The following KCNAB2 variants were observed in gnomAD, a reference collection of about 807,000 sequenced individuals.
KCNAB2 encodes voltage-gated potassium channel subunit beta-2.
KCNAB2 carries 29 observed loss-of-function variants against 63.6 expected under a neutral mutation model. The observed-to-expected ratio is 0.46, with a 90% CI of 0.34 to 0.62. The LOEUF is 0.62. Ranked by LOEUF, KCNAB2 falls within the 20% of genes least tolerant of loss-of-function variation. The probability of loss-of-function intolerance (pLI) is 0.01; values close to 1 mark genes in which losing one functional copy is unlikely to be tolerated. For synonymous variants in KCNAB2, 222 were observed against 224.2 expected, an observed-to-expected ratio of 0.99 and a Z score of 0.09; for missense variants, 359 against 563.9, an observed-to-expected ratio of 0.64 and a Z score of 3.68.
At chr1:6,051,260 C>T (rs1470609911) in intron 1 of KCNAB2, among the ~76,000 whole-genome samples, 1 of 152,270 alleles carries the variant, frequency 6.6e-6, no homozygotes, top group Non-Finnish European at 1.5e-5. Flanking sequence ...CTGTGCTTGT[C>T]TCACAGATGC....
At chr1:6,054,056 A>AAAAG (rs1553124509) in intron 2 of KCNAB2, among the ~76,000 whole-genome samples, 4 of 151,402 alleles carry the variant, frequency 2.6e-5, no homozygotes, top group Non-Finnish European at 5.9e-5. Flanking sequence ...AAAAAAAAAA[A>AAAAG]AAGAAGAAGA....
upstream of KCNAB2, among the ~76,000 whole-genome samples, chr1:6,042,846 C>CT (rs1403101996): frequency 1.1e-5 from 1 of 92,940 alleles, no homozygotes; most frequent in Non-Finnish European, 2.2e-5. Context: ...ACTCCCCACC[C>CT]CCCCCCCCGT....
upstream of KCNAB2, chr1:6,045,854 C>A: frequency 1.0e-6 from 1 of 976,782 alleles, no homozygotes; most frequent in South Asian, 4.7e-5. The surrounding 1 kb of genome is among the most constrained non-coding windows in gnomAD (Gnocchi z 4.8). Context: ...ACCTCCCCCT[C>A]ACCTTGGGCT....
At chr1:6,042,847 C>CCG (rs1345438994), upstream of KCNAB2, among the ~76,000 whole-genome samples, 5 of 104,530 alleles carry the variant, frequency 4.8e-5, 1 homozygote, top group African/African-American at 1.9e-4. Context: ...CTCCCCACCC[C>CCG]CCCCCCCGTT....
chr1:6,052,387 C>T (rs1227844164), intron 2 of KCNAB2, among the ~76,000 whole-genome samples: 1 of 151,744 alleles, frequency 6.6e-6, no homozygotes, highest in Non-Finnish European at 1.5e-5. Flanking sequence ...GATCGCACCA[C>T]TGCACTCCAG....
intron 1 of KCNAB2, among the ~76,000 whole-genome samples, chr1:6,011,959 G>T (rs1226535626): frequency 3.3e-5 from 5 of 152,194 alleles, no homozygotes; most frequent in African/African-American, 1.2e-4. Context: ...AGCTGGCCTA[G>T]GATGGTGGAG....
Position 6,086,274 on chromosome 1 carries a change from C to T in KCNAB2, c.425+1026C>T. ...CCTCCCCCATGGATTCCTGACACCC[C>T]TTCCTCTTGTCCCATCAAATTTGTT... On this transcript the variant is annotated intron_variant, in intron 6 of 15. Coordinates refer to ENST00000378083, the MANE Select transcript of KCNAB2 (RefSeq NM_001199862.2). This position sits in a 1 kb window ranked among gnomAD's most constrained non-coding sequence, Gnocchi z 4.2. 1 of 985,110 alleles carries T rather than the reference C, an allele frequency of 1.0e-6. No homozygotes were observed. Among genetic ancestry groups the T allele is most frequent in the Non-Finnish European group, 1.2e-6 (1 of 829,690 alleles). 61.0% of individuals were successfully genotyped at this position (985,110 alleles called of 1,614,324 possible).
chr1:6,000,592 C>T lies in KCNAB2; in HGVS notation c.-53+7804C>T, dbSNP rs562659322. On this transcript the variant is annotated intron_variant, in intron 1 of 16. Transcript: ENST00000341524. ...CTCCTGTGAGGAGTGAACCCCACCC[C>T]CCGCCGCTCTGCTGGTGTGAGTGAC... 3.3e-5 allele frequency among the ~76,000 whole-genome samples: 5 copies of T among 152,132 alleles called. No homozygotes were observed. In the South Asian group the frequency reaches 1.0e-3, roughly 32 times the overall value.
At position 6,035,523 on chromosome 1, in the gene KCNAB2, G is replaced by A. The variant is rs1659964960; in HGVS notation, c.-53+729G>A. Among the ~76,000 whole-genome samples the A allele has an allele frequency of 6.6e-6, 1 of 152,042 alleles. No individual in the cohort carries two copies. Among genetic ancestry groups the A allele is most frequent in the Non-Finnish European group, 1.5e-5 (1 of 67,994 alleles). On this transcript the variant is annotated intron_variant, in intron 1 of 15. Transcript: ENST00000164247. This position sits in a 1 kb window ranked among gnomAD's most constrained non-coding sequence, Gnocchi z 5.0. Reference sequence around the variant, plus strand: ...CCTGGCCCAGGGATGGATTGGATGTGGGAGGCGGGACGTGGGAGGAAGGGA... The same window carrying A: ...CCTGGCCCAGGGATGGATTGGATGTAGGAGGCGGGACGTGGGAGGAAGGGA...
intron 1 of KCNAB2, among the ~76,000 whole-genome samples, chr1:6,022,101 T>C (rs1012739601): frequency 1.4e-4 from 21 of 151,950 alleles, no homozygotes; most frequent in African/African-American, 4.6e-4. Flanking sequence ...TCAGTGGTAT[T>C]AGGTGTATAG....
At chr1:6,026,885 G>A (rs1483199130) in intron 1 of KCNAB2, among the ~76,000 whole-genome samples, 1 of 152,196 alleles carries the variant, frequency 6.6e-6, no homozygotes, top group African/African-American at 2.4e-5. Context: ...TGTCTCTCGG[G>A]AGGCCCTGGC....
chr1:6,007,013 G>T (rs969896057), intron 1 of KCNAB2, among the ~76,000 whole-genome samples: 8 of 152,176 alleles, frequency 5.3e-5, no homozygotes, highest in Non-Finnish European at 1.0e-4. Flanking sequence ...CCAGCAGCGG[G>T]CCCTGGCTGG....
chr1:6,079,318 G>C (rs574217484), intron 4 of KCNAB2, among the ~76,000 whole-genome samples: 26 of 152,220 alleles, frequency 1.7e-4, no homozygotes, highest in Non-Finnish European at 3.5e-4. Context: ...TCAGGAGTTC[G>C]AGACCAGCCT....
intron 1 of KCNAB2, among the ~76,000 whole-genome samples, chr1:6,026,616 G>A (rs1209277120): frequency 6.6e-6 from 1 of 152,232 alleles, no homozygotes; most frequent in East Asian, 1.9e-4. Flanking sequence ...CCTCAGCCTG[G>A]GGTGAGCTGA....
At chr1:6,010,547 A>G (rs1270703897) in intron 1 of KCNAB2, among the ~76,000 whole-genome samples, 1 of 152,258 alleles carries the variant, frequency 6.6e-6, no homozygotes, top group African/African-American at 2.4e-5. Flanking sequence ...ACAGCCCTGG[A>G]TGAGCCACAG....
At position 6,086,343 on chromosome 1, in the gene KCNAB2, A is replaced by C; in HGVS notation, c.425+1095A>C. 1.0e-6 allele frequency: 1 copy of C among 984,750 alleles called. No individual in the cohort carries two copies. Among genetic ancestry groups the C allele is most frequent in the Non-Finnish European group, 1.2e-6 (1 of 829,844 alleles). 61.0% of individuals were successfully genotyped at this position (984,750 alleles called of 1,614,324 possible). On this transcript the variant is annotated intron_variant, in intron 6 of 15. Coordinates refer to ENST00000378083, the MANE Select transcript of KCNAB2 (RefSeq NM_001199862.2). This position sits in a 1 kb window ranked among gnomAD's most constrained non-coding sequence, Gnocchi z 4.2. ...CAAAACAAATTCCTCCTCACCCTGTAATTAAACGAAATTGCACGTATTAGC... is the reference window on the plus strand; with the variant it reads ...CAAAACAAATTCCTCCTCACCCTGTCATTAAACGAAATTGCACGTATTAGC...
chr1:6,042,642 T>A (rs1184635928), upstream of KCNAB2, among the ~76,000 whole-genome samples: 6 of 152,232 alleles, frequency 3.9e-5, no homozygotes, highest in Admixed American at 3.9e-4. Context: ...TTGGGACTGT[T>A]TGGGGAATTG....
rs1658015310 is a variant in KCNAB2 at position 6,009,398 on chromosome 1, T to TGTATGTGTGCACACGTGTGC, written c.-53+16611_-53+16630dup. ...GGGGGCCCGGTGGTGTCCGTGTGCG[T>TGTATGTGTGCACACGTGTGC]GTATGTGTGCACACGTGTGCATATG... is the stretch of plus-strand genomic sequence containing the variant. On this transcript the variant is annotated intron_variant, in intron 1 of 16. Transcript: ENST00000341524. 9.8e-5 allele frequency among the ~76,000 whole-genome samples: 15 copies of TGTATGTGTGCACACGTGTGC among 152,326 alleles called. No individual in the cohort carries two copies. The South Asian group carries it at 3.1e-3, about 32-fold the overall frequency.
intron 11 of KCNAB2, among the ~76,000 whole-genome samples, chr1:6,094,914 G>A (rs1210898810): frequency 6.6e-6 from 1 of 152,224 alleles, no homozygotes; most frequent in Non-Finnish European, 1.5e-5. Context: ...AGGGTCAAGG[G>A]TTCCACAGGG....
Sources: gnomAD v4.1 joint callset for allele counts (sites outside exome capture counted in the v4.1 genomes callset) on GRCh38, gnomAD v4.1.1 for gene constraint, Gnocchi (gnomAD v3.1) non-coding constraint, MANE v1.5 for transcripts, NCBI Gene and HGNC (gene_info 2026-07-23, HGNC 2026-07-21) for gene names.